The following NF1 variants were observed in gnomAD, a reference collection of about 807,000 sequenced individuals.
NF1 encodes neurofibromin.
NF1 carries 122 observed loss-of-function variants against 325.7 expected under a neutral mutation model. The observed-to-expected ratio is 0.37, with a 90% confidence interval of 0.32 to 0.44. The LOEUF is 0.44. Among genes scored for constraint, NF1 ranks in the 20% least tolerant of loss-of-function variants. The pLI, the probability that NF1 is intolerant of heterozygous loss-of-function variation, is 1.00. For missense variants in NF1, 2,140 were observed against 3,415.4 expected (o/e 0.63, Z 9.31); for synonymous variants, 1,091 against 1,186.0 (o/e 0.92, Z 1.65).
chr17:31,119,600 G>A (rs929098803), intron 1 of NF1, among the ~76,000 whole-genome samples: 2 of 151,948 alleles, frequency 1.3e-5, no homozygotes, highest in Non-Finnish European at 2.9e-5. Flanking sequence ...CTGTGCAGAA[G>A]CTCTTTAATT....
At chr17:31,140,548 T>C (rs1285370840) in intron 1 of NF1, among the ~76,000 whole-genome samples, 1 of 152,228 alleles carries the variant, frequency 6.6e-6, no homozygotes, top group East Asian at 1.9e-4. Context: ...ATCCTTATTT[T>C]ATAGAAATTT....
chr17:31,184,182 G>A (rs989570254), intron 8 of NF1, among the ~76,000 whole-genome samples: 2 of 152,128 alleles, frequency 1.3e-5, no homozygotes, highest in Non-Finnish European at 2.9e-5. Context: ...TCGTTGCTGT[G>A]AACTGTTTAG....
chr17:31,290,674 T>C (rs1446151724), intron 36 of NF1, among the ~76,000 whole-genome samples: 1 of 152,084 alleles, frequency 6.6e-6, no homozygotes, highest in Non-Finnish European at 1.5e-5. Flanking sequence ...ACTATCATTC[T>C]GTAATTATTA....
chr17:31,097,733 G>T (rs565775184), intron 1 of NF1, among the ~76,000 whole-genome samples: 5 of 151,780 alleles, frequency 3.3e-5, no homozygotes, highest in African/African-American at 1.2e-4. Context: ...GTCTTGCTCT[G>T]TCGCCCACGC....
At chr17:31,228,364 C>T (rs1279499136) in intron 20 of NF1, among the ~76,000 whole-genome samples, 2 of 152,110 alleles carry the variant, frequency 1.3e-5, no homozygotes, top group African/African-American at 4.8e-5. Flanking sequence ...TTTTACGAAG[C>T]AAATGTGTGT....
At position 31,187,950 on chromosome 17, in the gene NF1, A is replaced by T. The variant is rs564156636; in HGVS notation, c.888+5285A>T. On this transcript the variant is annotated intron_variant, in intron 8 of 57. Coordinates refer to ENST00000358273, the MANE Select transcript of NF1 (RefSeq NM_001042492.3). ...TTGGCTGGGGTGATTGACCCTGACT[A>T]TCAAGATGAAATCAGTCTACTACTC... Among the ~76,000 whole-genome samples, 7 of 152,334 alleles carry T rather than the reference A, an allele frequency of 4.6e-5. No individual in the cohort carries two copies. The South Asian group carries it at 1.4e-3, about 32-fold the overall frequency.
intron 1 of NF1, among the ~76,000 whole-genome samples, chr17:31,106,064 T>C (rs534518853): frequency 6.6e-6 from 1 of 152,236 alleles, no homozygotes; most frequent in Admixed American, 6.5e-5. Flanking sequence ...ACACGGTTTC[T>C]CTTGGGTAGT....
chr17:31,164,370 G>A (rs1353711662), intron 4 of NF1, among the ~76,000 whole-genome samples: 1 of 152,164 alleles, frequency 6.6e-6, no homozygotes, highest in East Asian at 1.9e-4. Context: ...GTGCTCTATG[G>A]GATAGAATTA....
intron 48 of NF1, 144 bp downstream of exon 48, chr17:31,343,279 T>C: frequency 1.3e-6 from 1 of 798,148 alleles, no homozygotes; most frequent in Non-Finnish European, 2.0e-6. Flanking sequence ...GCGTGGTGGC[T>C]CACGTCTGTA....
chr17:31,252,873 A>G (rs2151455811), intron 30 of NF1, 65 bp from the exon 31 acceptor site: 1 of 1,291,926 alleles, frequency 7.7e-7, no homozygotes. Context: ...GTACAAGCCA[A>G]CATTGTTTTT....
chr17:31,229,557 C>A, intron 21 of NF1, 92 bp downstream of exon 21: 1 of 1,456,614 alleles, frequency 6.9e-7, no homozygotes. Flanking sequence ...AAATTAGGTA[C>A]TCACAGTTTT....
At chr17:31,328,055 T>C (rs555244729) in intron 38 of NF1, among the ~76,000 whole-genome samples, 14 of 152,318 alleles carry the variant, frequency 9.2e-5, no homozygotes, top group African/African-American at 3.4e-4. Flanking sequence ...ATATGTCCTT[T>C]CTCCATCATG....
In NF1 at chr17:31,327,935, T is replaced by C. The variant is rs1033417251; in HGVS notation, c.5609+96T>C. 6.7e-6 allele frequency: 8 copies of C among 1,185,576 alleles called. No individual in the cohort carries two copies. In the East Asian group the frequency reaches 1.9e-4, roughly 29 times the overall value. The allele number at this position is 1,185,576 out of a possible 1,614,324, so 73.4% of individuals were successfully genotyped here. On this transcript the variant is annotated intron_variant, in intron 38 of 57. Coordinates refer to ENST00000358273, the MANE Select transcript of NF1 (RefSeq NM_001042492.3). ...TTTTAAAACAGCCTCTACCTTAATA[T>C]TGTAAATTGGAAGGTATGCAGTGTT...
At chr17:31,099,873 T>G (rs1185188800) in intron 1 of NF1, among the ~76,000 whole-genome samples, 3 of 152,144 alleles carry the variant, frequency 2.0e-5, no homozygotes, top group African/African-American at 7.2e-5. Flanking sequence ...GTGTAGCTTT[T>G]AATTGTGGTT....
intron 57 of NF1, 122 bp from the exon 58 acceptor site, chr17:31,373,891 G>T: frequency 8.0e-7 from 1 of 1,250,670 alleles, no homozygotes; most frequent in Admixed American, 1.9e-5. Context: ...TATTTGCACA[G>T]ACAAAATCGC....
intron 36 of NF1, chr17:31,305,098 G>A (rs1177522391): frequency 6.8e-6 from 11 of 1,614,202 alleles, no homozygotes; most frequent in East Asian, 2.2e-5. Context: ...GACAGTTGAT[G>A]TTGGTTGTGT....
intron 13 of NF1, among the ~76,000 whole-genome samples, chr17:31,216,255 C>T (rs565829515): frequency 6.6e-6 from 1 of 152,306 alleles, no homozygotes; most frequent in African/African-American, 2.4e-5. Flanking sequence ...AATGCCGTTT[C>T]TACTAAATGT....
intron 36 of NF1, among the ~76,000 whole-genome samples, chr17:31,267,057 G>A (rs534875426): frequency 2.6e-5 from 4 of 151,820 alleles, no homozygotes; most frequent in African/African-American, 4.8e-5. Flanking sequence ...TTAGCCTCCC[G>A]AGTAGCTGGG....
At chr17:31,219,982 CT>C (rs999038398) in intron 14 of NF1, among the ~76,000 whole-genome samples, 9 of 151,984 alleles carry the variant, frequency 5.9e-5, no homozygotes, top group African/African-American at 2.2e-4. Context: ...GTTGTTTCTA[CT>C]TTTTAGCTAT....
Sources: gnomAD v4.1 joint callset for allele counts (sites outside exome capture counted in the v4.1 genomes callset) on GRCh38, gnomAD v4.1.1 for gene constraint, MANE v1.5 for transcripts, NCBI Gene and HGNC (gene_info 2026-07-23, HGNC 2026-07-21) for gene names.